The following AP4S1 variants were observed in gnomAD, a reference collection of about 807,000 sequenced individuals.
AP4S1 encodes the protein AP-4 complex subunit sigma-1.
In AP4S1, 23 loss-of-function variants were observed where a neutral mutation model predicts 19.8. That is an observed-to-expected ratio of 1.16 (90% CI 0.84 to 1.65). The LOEUF (loss-of-function observed/expected upper bound fraction) is 1.65, where lower values mean the gene tolerates loss of function less well. AP4S1 is among the 40% of genes most tolerant of loss of function. The pLI is 0.00. For missense variants in AP4S1, 166 were observed against 172.8 expected, an observed-to-expected ratio of 0.96 and a Z score of 0.22; for synonymous variants, 46 against 54.1, an observed-to-expected ratio of 0.85 and a Z score of 0.66.
intron 5 of AP4S1, among the ~76,000 whole-genome samples, chr14:31,089,344 G>T (rs1888014151): frequency 6.6e-6 from 1 of 152,120 alleles, no homozygotes; most frequent in Non-Finnish European, 1.5e-5. Flanking sequence ...TATGAATAAT[G>T]AGAAAGCAAG....
chr14:31,049,745 G>A (rs967705258), intron 1 of AP4S1, among the ~76,000 whole-genome samples: 13 of 146,338 alleles, frequency 8.9e-5, no homozygotes, highest in Non-Finnish European at 1.9e-4. Flanking sequence ...CAACCTCTGC[G>A]TGGGCCACCA....
chr14:31,087,954 G>A (rs982581125), intron 5 of AP4S1, among the ~76,000 whole-genome samples: 2 of 152,206 alleles, frequency 1.3e-5, no homozygotes, highest in African/African-American at 2.4e-5. Flanking sequence ...GCCAGAGAGT[G>A]AGGACTGGCC....
intron 4 of AP4S1, among the ~76,000 whole-genome samples, chr14:31,075,856 C>T (rs1318921466): frequency 6.6e-6 from 1 of 151,712 alleles, no homozygotes; most frequent in Non-Finnish European, 1.5e-5. Context: ...TCTCCTGCCT[C>T]AGCCTCTCGA....
chr14:31,053,980 G>A (rs1303517125), intron 1 of AP4S1, among the ~76,000 whole-genome samples: 1 of 152,184 alleles, frequency 6.6e-6, no homozygotes, highest in Non-Finnish European at 1.5e-5. Context: ...GGGATTCAGG[G>A]CAGGAACAGG....
At chr14:31,033,200 G>A (rs999130566) in intron 1 of AP4S1, among the ~76,000 whole-genome samples, 10 of 152,070 alleles carry the variant, frequency 6.6e-5, no homozygotes, top group African/African-American at 2.4e-4. Context: ...CAGTCACTCA[G>A]GGAAATGACA....
intron 4 of AP4S1, among the ~76,000 whole-genome samples, chr14:31,073,438 C>A (rs1257874840): frequency 2.9e-4 from 41 of 139,542 alleles, no homozygotes; most frequent in Middle Eastern, 3.6e-3. Flanking sequence ...TGCAGTGAGC[C>A]GAGATCCCGC....
At chr14:31,074,428 C>CGATCATGAGGTCAGGA (rs1488283788) in intron 4 of AP4S1, among the ~76,000 whole-genome samples, 2 of 151,106 alleles carry the variant, frequency 1.3e-5, no homozygotes, top group Non-Finnish European at 2.9e-5. Context: ...CGAGGCAGGC[C>CGATCATGAGGTCAGGA]GATCATGAGG....
In AP4S1 at chr14:31,042,610, A is replaced by G. The variant is rs1885172463; in HGVS notation, c.-72+16823A>G. 5.3e-5 allele frequency among the ~76,000 whole-genome samples: 8 copies of G among 152,292 alleles called. No individual in the cohort carries two copies. The South Asian group carries it at 1.5e-3, about 28-fold the overall frequency. ...ATCAATGTAATGGTCTATATATAGTATATAGATTCCTCATCCTCAGTTTTT... is the reference window on the plus strand; with the variant it reads ...ATCAATGTAATGGTCTATATATAGTGTATAGATTCCTCATCCTCAGTTTTT... On this transcript the variant is annotated intron_variant, in intron 1 of 5. Transcript: ENST00000542754.
chr14:31,087,066 T>TA (rs1887938563), intron 5 of AP4S1, among the ~76,000 whole-genome samples: 1 of 152,068 alleles, frequency 6.6e-6, no homozygotes, highest in African/African-American at 2.4e-5. Flanking sequence ...CTGGCTAATT[T>TA]AAAAAAATTT....
At chr14:31,070,245 G>T (rs1886930708) in intron 3 of AP4S1, among the ~76,000 whole-genome samples, 1 of 152,052 alleles carries the variant, frequency 6.6e-6, no homozygotes, top group Admixed American at 6.5e-5. Flanking sequence ...GCCTGCCTCA[G>T]ACTCCCAATT....
chr14:31,077,669 C>T (rs899992700), intron 4 of AP4S1, among the ~76,000 whole-genome samples: 1 of 151,860 alleles, frequency 6.6e-6, no homozygotes, highest in African/African-American at 2.4e-5. Context: ...CTGGTACATG[C>T]TTAATTTTGG....
intron 1 of AP4S1, among the ~76,000 whole-genome samples, chr14:31,049,509 A>ACACACACACT: frequency 6.9e-6 from 1 of 144,874 alleles, no homozygotes; most frequent in Non-Finnish European, 1.5e-5. Flanking sequence ...ACACACACAC[A>ACACACACACT]TAAATTACCC....
chr14:31,070,540 G>A (rs1886944825), intron 3 of AP4S1, among the ~76,000 whole-genome samples: 1 of 152,160 alleles, frequency 6.6e-6, no homozygotes. Context: ...AAGCCACTGT[G>A]CCTGGCTAGG....
intron 1 of AP4S1, among the ~76,000 whole-genome samples, chr14:31,045,210 AT>A (rs1885327029): frequency 6.6e-6 from 1 of 152,150 alleles, no homozygotes; most frequent in Non-Finnish European, 1.5e-5. Flanking sequence ...CCTGTTGTCT[AT>A]AATTTTTTAA....
chr14:31,061,309 G>A (rs556076627), intron 1 of AP4S1, among the ~76,000 whole-genome samples: 3 of 152,184 alleles, frequency 2.0e-5, no homozygotes, highest in East Asian at 1.9e-4. Context: ...GTGAGCCACC[G>A]CTTGCCTGGG....
At chr14:31,035,288 G>A (rs1416163594) in intron 1 of AP4S1, among the ~76,000 whole-genome samples, 3 of 138,924 alleles carry the variant, frequency 2.2e-5, no homozygotes, top group East Asian at 2.2e-4. Flanking sequence ...TCCGCCTCCC[G>A]GGTTCAAGCA....
chr14:31,043,290 G>A (rs1885214877), intron 1 of AP4S1, among the ~76,000 whole-genome samples: 1 of 151,792 alleles, frequency 6.6e-6, no homozygotes, highest in Admixed American at 6.6e-5. Flanking sequence ...AAATATGGCT[G>A]AAATATTTGT....
At chr14:31,072,492 T>A (rs1887066849) in intron 3 of AP4S1, among the ~76,000 whole-genome samples, 1 of 152,154 alleles carries the variant, frequency 6.6e-6, no homozygotes, top group Admixed American at 6.6e-5. Context: ...TGCCTCAGTC[T>A]CGCAAGTAGC....
chr14:31,079,039 C>T (rs1007871951), intron 4 of AP4S1, among the ~76,000 whole-genome samples: 10 of 152,154 alleles, frequency 6.6e-5, no homozygotes, highest in Admixed American at 3.9e-4. Flanking sequence ...CTGAGAGAAG[C>T]ATCTCAGCAT....
Sources: gnomAD v4.1 joint callset for allele counts (sites outside exome capture counted in the v4.1 genomes callset) on GRCh38, gnomAD v4.1.1 for gene constraint, MANE v1.5 for transcripts, NCBI Gene and HGNC (gene_info 2026-07-23, HGNC 2026-07-21) for gene names.